The following MTCL2 variants were observed in gnomAD, a reference collection of about 807,000 sequenced individuals.
The protein encoded by MTCL2 is microtubule crosslinking factor 2.
chr20:36,803,063 G>T, the MTCL2 span: 16 of 1,608,972 alleles, frequency 9.9e-6, no homozygotes, highest in African/African-American at 2.1e-4. Context: ...CCTTCCAGTC[G>T]GGCCCTGCCC....
At chr20:36,863,247 G>A in the MTCL2 span, 4 of 1,197,642 alleles carry the variant, frequency 3.3e-6, no homozygotes, top group East Asian at 3.5e-5. The surrounding 1 kb of genome is among the most constrained non-coding windows in gnomAD (Gnocchi z 6.2). Flanking sequence ...CGGCGACGGC[G>A]CGCGGTGGCT....
At chr20:36,803,304 G>T in the MTCL2 span, among the ~76,000 whole-genome samples, 35 of 152,330 alleles carry the variant, frequency 2.3e-4, no homozygotes, top group African/African-American at 6.7e-4. Flanking sequence ...GGTTTGAAGA[G>T]CTCTTTCTAT....
the MTCL2 span, chr20:36,812,626 T>C: frequency 1.3e-6 from 2 of 1,561,608 alleles, no homozygotes; most frequent in African/African-American, 1.4e-5. Flanking sequence ...CTAAGTGATA[T>C]ATGGACCACT....
the MTCL2 span, chr20:36,777,799 G>T: frequency 1.6e-6 from 1 of 613,670 alleles, no homozygotes; most frequent in Admixed American, 3.8e-5. Flanking sequence ...GGGCTGGGGA[G>T]GGGCCAGGAT....
the MTCL2 span, among the ~76,000 whole-genome samples, chr20:36,789,673 A>C: frequency 6.6e-6 from 1 of 152,004 alleles, no homozygotes; most frequent in African/African-American, 2.4e-5. Flanking sequence ...TCAAAAAAAA[A>C]AAAAAGCGAA....
the MTCL2 span, among the ~76,000 whole-genome samples, chr20:36,818,907 A>G: frequency 1.3e-5 from 2 of 152,236 alleles, no homozygotes; most frequent in Non-Finnish European, 2.9e-5. Flanking sequence ...AAGAAAGGCA[A>G]ATGGATCATG....
the MTCL2 span, among the ~76,000 whole-genome samples, chr20:36,859,071 G>A: frequency 2.0e-5 from 3 of 152,208 alleles, no homozygotes; most frequent in Admixed American, 6.5e-5. Context: ...GATTACAGGC[G>A]TGAGTCACTG....
chr20:36,808,732 G>A, the MTCL2 span: 1 of 1,592,852 alleles, frequency 6.3e-7, no homozygotes, highest in Non-Finnish European at 8.5e-7. Context: ...CCCTCTGCTG[G>A]TCCTCCTTCA....
chr20:36,789,125 AAAG>A, the MTCL2 span, among the ~76,000 whole-genome samples: 1 of 152,204 alleles, frequency 6.6e-6, no homozygotes, highest in African/African-American at 2.4e-5. Flanking sequence ...TACCTTCGTA[AAAG>A]AAGAACTACT....
the MTCL2 span, among the ~76,000 whole-genome samples, chr20:36,834,660 G>A: frequency 1.3e-5 from 2 of 152,074 alleles, no homozygotes; most frequent in Non-Finnish European, 1.5e-5. Context: ...CTGATGTATT[G>A]CTCAGAAGAA....
At chr20:36,834,224 C>T in the MTCL2 span, among the ~76,000 whole-genome samples, 3 of 151,644 alleles carry the variant, frequency 2.0e-5, no homozygotes, top group Non-Finnish European at 4.4e-5. Flanking sequence ...TTCTGGACTC[C>T]GTGTGGCTGA....
chr20:36,810,149 A>G, the MTCL2 span: 7 of 1,550,672 alleles, frequency 4.5e-6, no homozygotes, highest in African/African-American at 9.5e-5. Context: ...GGAGGGAGAG[A>G]GAGGAAGAAG....
At chr20:36,861,262 C>T in the MTCL2 span, among the ~76,000 whole-genome samples, 167 of 152,306 alleles carry the variant, frequency 1.1e-3, no homozygotes, top group Middle Eastern at 0.014. Flanking sequence ...TCCTTACCAC[C>T]GGCTTCTGAA....
At chr20:36,825,725 T>C in the MTCL2 span, among the ~76,000 whole-genome samples, 1 of 152,142 alleles carries the variant, frequency 6.6e-6, no homozygotes, top group East Asian at 1.9e-4. Context: ...GGCAGAAGAA[T>C]TGCTCAGGGA....
chr20:36,782,030 G>T, the MTCL2 span: 1 of 152,124 alleles, frequency 6.6e-6, no homozygotes, highest in Admixed American at 6.6e-5. Flanking sequence ...TAGAGACAGG[G>T]TTTCACCATA....
the MTCL2 span, among the ~76,000 whole-genome samples, chr20:36,856,002 C>T: frequency 6.6e-6 from 1 of 152,164 alleles, no homozygotes; most frequent in African/African-American, 2.4e-5. Flanking sequence ...AGCTTTGCTG[C>T]AACAAGACCA....
the MTCL2 span, among the ~76,000 whole-genome samples, chr20:36,825,461 C>T: frequency 2.6e-5 from 4 of 152,318 alleles, no homozygotes; most frequent in African/African-American, 7.2e-5. Context: ...TAATAAATCA[C>T]GTCAACACTC....
the MTCL2 span, among the ~76,000 whole-genome samples, chr20:36,791,608 C>T: frequency 3.9e-5 from 6 of 152,180 alleles, no homozygotes; most frequent in South Asian, 2.1e-4. Context: ...GGGGTACACT[C>T]GCCTCTAGCT....
At chr20:36,845,600 G>A in the MTCL2 span, among the ~76,000 whole-genome samples, 7 of 152,246 alleles carry the variant, frequency 4.6e-5, no homozygotes, top group African/African-American at 7.2e-5. Flanking sequence ...GGACGTGGGC[G>A]GGAGAGGCTG....
Sources: gnomAD v4.1 joint callset for allele counts (sites outside exome capture counted in the v4.1 genomes callset) on GRCh38, gnomAD v4.1.1 for gene constraint, Gnocchi (gnomAD v3.1) non-coding constraint, MANE v1.5 for transcripts, NCBI Gene and HGNC (gene_info 2026-07-23, HGNC 2026-07-21) for gene names.